CSMD2: variants seen among roughly 807,000 people sequenced by gnomAD.
The protein encoded by CSMD2 is CUB and sushi domain-containing protein 2.
Under a neutral mutation model 398.5 loss-of-function variants are expected in CSMD2, and 130 were observed. That is an observed-to-expected ratio of 0.33 (90% CI 0.28 to 0.38). The LOEUF (loss-of-function observed/expected upper bound fraction) is 0.38, where lower values mean the gene tolerates loss of function less well. Among genes scored for constraint, CSMD2 ranks in the 10% least tolerant of loss-of-function variants. CSMD2 has a pLI of 1.00. For missense variants in CSMD2, 3,829 were observed against 4,764.9 expected (o/e 0.80, Z 5.78); for synonymous variants, 1,828 against 1,908.5 (o/e 0.96, Z 1.10).
intron 3 of CSMD2, among the ~76,000 whole-genome samples, chr1:34,029,165 G>C (rs1312134685): frequency 3.3e-5 from 5 of 152,168 alleles, no homozygotes; most frequent in Non-Finnish European, 7.3e-5. Context: ...GCCTAGGCTG[G>C]AAGTGGGGGC....
At chr1:34,016,522 A>G (rs1325846481) in intron 3 of CSMD2, among the ~76,000 whole-genome samples, 1 of 152,168 alleles carries the variant, frequency 6.6e-6, no homozygotes, top group East Asian at 1.9e-4. Context: ...CATGGTGTAT[A>G]TGTGGAAGAC....
At chr1:34,118,806 T>G in intron 1 of CSMD2, among the ~76,000 whole-genome samples, 1 of 152,212 alleles carries the variant, frequency 6.6e-6, no homozygotes, top group South Asian at 2.1e-4. Context: ...AGACATTCCA[T>G]GTCCATGAGT....
chr1:33,702,568 TTA>T (rs1326160982), intron 22 of CSMD2, among the ~76,000 whole-genome samples: 2 of 152,162 alleles, frequency 1.3e-5, no homozygotes, highest in Non-Finnish European at 2.9e-5. Flanking sequence ...TTGCATAAAT[TTA>T]TGTTTTTATA....
intron 50 of CSMD2, among the ~76,000 whole-genome samples, chr1:33,571,965 G>T (rs548636526): frequency 1.3e-5 from 2 of 152,244 alleles, no homozygotes; most frequent in African/African-American, 4.8e-5. Flanking sequence ...ACTCAGTCAA[G>T]GTTGACTATT....
intron 4 of CSMD2, among the ~76,000 whole-genome samples, chr1:33,932,504 C>G (rs981818592): frequency 1.3e-5 from 2 of 152,148 alleles, no homozygotes; most frequent in African/African-American, 4.8e-5. Flanking sequence ...ATGCCACCCC[C>G]GCCCAGGCCC....
rs906649015 is a variant in CSMD2, at chr1:33,518,876, T to A, written c.*53+589A>T. On this transcript the variant is annotated intron_variant, in intron 70 of 70. Coordinates refer to ENST00000373381, the MANE Select transcript of CSMD2 (RefSeq NM_001281956.2). This position sits in a 1 kb window ranked among gnomAD's most constrained non-coding sequence, Gnocchi z 4.3. ...ACATTTACATATAGCTCTACGGAGA[T>A]GCGTATCTATATATAGATGGATAGG... is the stretch of plus-strand genomic sequence containing the variant. 8.5e-5 allele frequency among the ~76,000 whole-genome samples: 13 copies of A among 152,190 alleles called. No homozygotes were observed. Among genetic ancestry groups the A allele is most frequent in the Non-Finnish European group, 2.9e-5 (2 of 68,044 alleles).
chr1:33,736,695 G>GCAGGCT (rs1277920157), intron 15 of CSMD2, among the ~76,000 whole-genome samples: 64 of 152,336 alleles, frequency 4.2e-4, no homozygotes, highest in Middle Eastern at 6.8e-3. Context: ...CTAAGCCCCT[G>GCAGGCT]CAGGCTCAGG....
chr1:33,976,715 G>A (rs1294781686), intron 3 of CSMD2, among the ~76,000 whole-genome samples: 1 of 152,092 alleles, frequency 6.6e-6, no homozygotes, highest in African/African-American at 2.4e-5. Flanking sequence ...GAGGCCTCTG[G>A]CTCTGCCACA....
At chr1:34,129,434 G>A (rs1339538111) in intron 1 of CSMD2, among the ~76,000 whole-genome samples, 1 of 152,118 alleles carries the variant, frequency 6.6e-6, no homozygotes, top group Non-Finnish European at 1.5e-5. Flanking sequence ...GGCAGATCAC[G>A]AGGTCAGGAG....
chr1:33,743,197 C>T (rs2149255569), intron 14 of CSMD2, 83 bp downstream of exon 14: 2 of 1,201,452 alleles, frequency 1.7e-6, no homozygotes, highest in Non-Finnish European at 2.3e-6. Context: ...ACACCTCCTC[C>T]TCCCTCCATG....
chr1:34,107,354 G>A (rs916623821), intron 1 of CSMD2, among the ~76,000 whole-genome samples: 9 of 151,860 alleles, frequency 5.9e-5, no homozygotes, highest in East Asian at 1.9e-4. Context: ...TGGAGCTTAC[G>A]GTATAATAAT....
At chr1:33,696,405 C>A (rs2149107736) in intron 24 of CSMD2, among the ~76,000 whole-genome samples, 1 of 152,290 alleles carries the variant, frequency 6.6e-6, no homozygotes, top group Admixed American at 6.5e-5. Context: ...CTCTACAAGA[C>A]CCTCTGCTCA....
At chr1:33,649,536 C>T (rs1044805194) in intron 28 of CSMD2, among the ~76,000 whole-genome samples, 24 of 152,028 alleles carry the variant, frequency 1.6e-4, no homozygotes, top group African/African-American at 5.6e-4. Flanking sequence ...CCCAGCTACT[C>T]GGGAGGCTGA....
chr1:33,785,822 C>G (rs929832228), intron 12 of CSMD2, among the ~76,000 whole-genome samples: 1 of 152,194 alleles, frequency 6.6e-6, no homozygotes, highest in Non-Finnish European at 1.5e-5. Context: ...TCTTTTCCAA[C>G]AAGATCACAC....
intron 53 of CSMD2, among the ~76,000 whole-genome samples, chr1:33,567,100 G>GA (rs777947452): frequency 6.6e-6 from 1 of 150,614 alleles, no homozygotes; most frequent in African/African-American, 2.4e-5. Flanking sequence ...ATAACACAAT[G>GA]AAAAAAAAGG....
chr1:33,883,952 T>C (rs1443584435), intron 5 of CSMD2, among the ~76,000 whole-genome samples: 1 of 152,134 alleles, frequency 6.6e-6, no homozygotes, highest in Non-Finnish European at 1.5e-5. Flanking sequence ...CTGGGGTTCA[T>C]GGGCCAGTGC....
At chr1:33,538,187 T>C (rs1286955448) in intron 60 of CSMD2, among the ~76,000 whole-genome samples, 1 of 152,234 alleles carries the variant, frequency 6.6e-6, no homozygotes, top group African/African-American at 2.4e-5. Flanking sequence ...GTTTTCTTTT[T>C]TGTTTTTTCT....
chr1:33,738,802 T>C (rs1334308845), intron 15 of CSMD2, among the ~76,000 whole-genome samples: 3 of 152,106 alleles, frequency 2.0e-5, no homozygotes, highest in African/African-American at 7.2e-5. Flanking sequence ...CAATGCTACT[T>C]TGGGCTGCCG....
At chr1:33,662,759 C>T (rs754647795) in intron 26 of CSMD2, 131 bp downstream of exon 26, 44 of 875,332 alleles carry the variant, frequency 5.0e-5, no homozygotes, top group Non-Finnish European at 7.0e-5. Context: ...TAACCATGTA[C>T]CAGGCACATA....
Sources: allele counts gnomAD v4.1 joint callset (sites outside exome capture counted in the v4.1 genomes callset), GRCh38; gene constraint gnomAD v4.1.1; non-coding constraint Gnocchi (gnomAD v3.1); transcripts MANE v1.5; gene names NCBI Gene and HGNC (gene_info 2026-07-23, HGNC 2026-07-21).